Variants in NBAS observed in about 807,000 individuals in gnomAD.
The protein encoded by NBAS is NBAS subunit of NRZ tethering complex, also known as NAG/BC035112 fusion.
A neutral mutation model predicts 302.5 loss-of-function variants in NBAS; 219 were observed. The observed-to-expected ratio is 0.72, with a 90% CI of 0.65 to 0.81. NBAS has a LOEUF of 0.81. Among genes scored for constraint, NBAS ranks in the 30% least tolerant of loss-of-function variants. The probability of loss-of-function intolerance (pLI) is 0.00; values close to 1 mark genes in which losing one functional copy is unlikely to be tolerated. For synonymous variants in NBAS, 1,118 were observed against 1,021.6 expected (o/e 1.09, Z -1.80); for missense variants, 2,932 against 2,841.6 (o/e 1.03, Z -0.72).
the NBAS span, among the ~76,000 whole-genome samples, chr2:15,150,059 C>T: frequency 7.1e-6 from 1 of 141,132 alleles, no homozygotes; most frequent in Non-Finnish European, 1.5e-5. Context: ...CCTGGGCAAC[C>T]CTGTCTCAAA....
At chr2:15,430,619 A>G (rs1677715132) in intron 21 of NBAS, among the ~76,000 whole-genome samples, 1 of 152,228 alleles carries the variant, frequency 6.6e-6, no homozygotes, top group South Asian at 2.1e-4. Flanking sequence ...AACAAAGCTA[A>G]TAAATTGACA....
At chr2:15,305,311 A>G (rs1281078261) in intron 40 of NBAS, among the ~76,000 whole-genome samples, 1 of 151,876 alleles carries the variant, frequency 6.6e-6, no homozygotes, top group African/African-American at 2.4e-5. Flanking sequence ...CTTTCCTGCC[A>G]TTTTGTGAAG....
the NBAS span, among the ~76,000 whole-genome samples, chr2:15,142,902 C>T: frequency 6.6e-6 from 1 of 152,306 alleles, no homozygotes; most frequent in South Asian, 2.1e-4. Flanking sequence ...CTCCGTTTTG[C>T]TAATAGTTTT....
the NBAS span, among the ~76,000 whole-genome samples, chr2:15,115,495 A>G: frequency 6.6e-6 from 1 of 152,148 alleles, no homozygotes; most frequent in Non-Finnish European, 1.5e-5. Context: ...ATGCAAAAAA[A>G]ATTATTTATA....
intron 28 of NBAS, among the ~76,000 whole-genome samples, chr2:15,385,251 G>T (rs1675230360): frequency 6.6e-6 from 1 of 152,120 alleles, no homozygotes; most frequent in South Asian, 2.1e-4. Flanking sequence ...AAACTGGAGG[G>T]CTCTTTCAGA....
the NBAS span, among the ~76,000 whole-genome samples, chr2:15,024,986 T>C: frequency 6.6e-6 from 1 of 152,248 alleles, no homozygotes; most frequent in African/African-American, 2.4e-5. Flanking sequence ...CATTTGTCAA[T>C]GCTTGCTTCT....
At chr2:15,337,001 C>T (rs1340167499) in intron 35 of NBAS, among the ~76,000 whole-genome samples, 2 of 152,162 alleles carry the variant, frequency 1.3e-5, no homozygotes, top group Non-Finnish European at 2.9e-5. Flanking sequence ...TAAGCCAGCA[C>T]AGTGGCTCAT....
At chr2:15,494,969 G>C (rs1681010679) in intron 11 of NBAS, among the ~76,000 whole-genome samples, 1 of 152,104 alleles carries the variant, frequency 6.6e-6, no homozygotes, top group Non-Finnish European at 1.5e-5. Context: ...AAGACTCTGT[G>C]GCAGCAATAC....
chr2:15,374,482 G>A, intron 31 of NBAS, 126 bp downstream of exon 31: 1 of 802,000 alleles, frequency 1.2e-6, no homozygotes, highest in South Asian at 1.4e-5. Flanking sequence ...ATGGGTCAAG[G>A]GCAGGATCTA....
the NBAS span, among the ~76,000 whole-genome samples, chr2:14,876,761 G>A: frequency 1.3e-5 from 2 of 152,196 alleles, no homozygotes; most frequent in Non-Finnish European, 2.9e-5. Flanking sequence ...TCCCCATGTT[G>A]GCTGATCATT....
Position 15,517,617 on chromosome 2 carries a change from T to C in NBAS, c.747-6267A>G, listed in dbSNP as rs139161282. Among the ~76,000 whole-genome samples, 280 of 152,328 alleles carry C rather than the reference T, an allele frequency of 1.8e-3. 1 individual carries two copies. The highest frequency in any genetic ancestry group is 0.013 in the East Asian group (68 of 5,188). ...TTGTTAAGTGCACGTAGTAGGTACG[T>C]AGTTTTACAGATGCTCCTTGACTTA... On this transcript the variant is annotated intron_variant, in intron 9 of 51. Transcript: ENST00000281513.
the NBAS span, among the ~76,000 whole-genome samples, chr2:14,947,703 T>C: frequency 2.0e-5 from 3 of 152,136 alleles, no homozygotes; most frequent in Non-Finnish European, 2.9e-5. Context: ...CATCCTTCTC[T>C]TATTCCCATT....
intron 45 of NBAS, among the ~76,000 whole-genome samples, 174 bp from the exon 46 acceptor site, chr2:15,234,921 T>C (rs897489130): frequency 9.2e-5 from 14 of 152,196 alleles, no homozygotes; most frequent in African/African-American, 3.4e-4. Context: ...ATCACCCACA[T>C]TTGAGTGCAA....
chr2:14,897,635 C>A, the NBAS span, among the ~76,000 whole-genome samples: 1 of 149,738 alleles, frequency 6.7e-6, no homozygotes, highest in Non-Finnish European at 1.5e-5. Context: ...TTTCCAAAGA[C>A]AGCACACAAT....
intron 35 of NBAS, among the ~76,000 whole-genome samples, chr2:15,341,460 C>T (rs1672849039): frequency 6.6e-6 from 1 of 151,652 alleles, no homozygotes; most frequent in South Asian, 2.1e-4. Context: ...CCATAGATTA[C>T]ACTGTAACTA....
chr2:15,024,377 T>G, the NBAS span, among the ~76,000 whole-genome samples: 1,848 of 152,286 alleles, frequency 0.012, 43 homozygotes, highest in African/African-American at 0.041. Context: ...CAGTCTTCTG[T>G]CGATGGCCAT....
chr2:15,441,846 G>A (rs1198889954), intron 21 of NBAS, among the ~76,000 whole-genome samples: 1 of 151,702 alleles, frequency 6.6e-6, no homozygotes, highest in Non-Finnish European at 1.5e-5. Flanking sequence ...AAAAAGGCAG[G>A]GGTTGCAATG....
In NBAS at chr2:15,292,545, A is replaced by C; in HGVS notation, c.5019T>G (p.Gly1673=). 1 of 1,614,194 alleles carries C rather than the reference A, an allele frequency of 6.2e-7. No individual in the cohort carries two copies. The highest frequency in any genetic ancestry group is 8.5e-7 in the Non-Finnish European group (1 of 1,180,022). The part of the protein sequence containing the change: ...DDQYKRETIL[G]LAETLEESVY... Reference sequence around the variant, plus strand: ...CAAAGGGTATCACTTACTCTGCCAGACCAAGGATAGTTTCCCTTTTATACT... The same window carrying C: ...CAAAGGGTATCACTTACTCTGCCAGCCCAAGGATAGTTTCCCTTTTATACT... The change falls in exon 41 of 52, where the codon GGT becomes GGG. Residue 1673 remains glycine (G), a synonymous_variant. Transcript: ENST00000281513.
At chr2:15,299,018 T>C (rs1216712061) in intron 40 of NBAS, among the ~76,000 whole-genome samples, 1 of 152,162 alleles carries the variant, frequency 6.6e-6, no homozygotes, top group Non-Finnish European at 1.5e-5. Flanking sequence ...TCGGAAGTCT[T>C]GGTGTTCAGA....
Sources: allele counts gnomAD v4.1 joint callset (sites outside exome capture counted in the v4.1 genomes callset), GRCh38; gene constraint gnomAD v4.1.1; transcripts MANE v1.5; gene names NCBI Gene and HGNC (gene_info 2026-07-23, HGNC 2026-07-21).